Variants in TLL2 observed in about 807,000 individuals in gnomAD.
TLL2 encodes tolloid like 2, also known as tolloid-like protein 2.
A neutral mutation model predicts 123.0 loss-of-function variants in TLL2; 106 were observed. That is an observed-to-expected ratio of 0.86 (90% CI 0.74 to 1.01). The LOEUF (loss-of-function observed/expected upper bound fraction) is 1.01. Ranked by LOEUF, TLL2 falls within the 50% of genes least tolerant of loss-of-function variation. TLL2 has a pLI of 0.00. For missense variants in TLL2, 1,332 were observed against 1,336.7 expected, an observed-to-expected ratio of 1.00 and a Z score of 0.06; for synonymous variants, 494 against 516.8, an observed-to-expected ratio of 0.96 and a Z score of 0.60.
At chr10:96,459,684 AAAAAAAAAAAAAAAAAAAAAAAT>A (rs1269552662) in intron 2 of TLL2, among the ~76,000 whole-genome samples, 15 of 54,116 alleles carry the variant, frequency 2.8e-4, no homozygotes, top group African/African-American at 9.4e-4. Context: ...AAAAAAAAAA[AAAAAAAAAAAAAAAAAAAAAAAT>A]ATATATATAT....
Position 96,384,722 on chromosome 10 carries a change from C to A in TLL2, c.2059G>T (p.Asp687Tyr). Residue 687 changes from aspartate to tyrosine, a missense_variant, in exon 16 of 21, where the codon GAC becomes TAC. Transcript: ENST00000357947. Reference sequence around the variant, plus strand: ...CAGAACCTGCCGTGCAGCTTGGCGTCGGGGGACAGGCCGCTGCGCACCTCT... The same window carrying A: ...CAGAACCTGCCGTGCAGCTTGGCGTAGGGGGACAGGCCGCTGCGCACCTCT... Reference protein sequence around the residue: ...FVEVRSGLSPDAKLHGRFCGS... With the variant: ...FVEVRSGLSPYAKLHGRFCGS... 2 of 1,610,538 alleles carry A rather than the reference C, an allele frequency of 1.2e-6. No individual in the cohort carries two copies. Among genetic ancestry groups the A allele is most frequent in the Non-Finnish European group, 1.7e-6 (2 of 1,177,818 alleles).
rs181995265 is a variant in TLL2, at chr10:96,488,446, C to T, written c.176-7987G>A. Among the ~76,000 whole-genome samples, 9 of 152,318 alleles carry T rather than the reference C, an allele frequency of 5.9e-5. No individual in the cohort carries two copies. In the South Asian group the frequency reaches 8.3e-4, roughly 14 times the overall value. ...CAGAGAGCCCCTTCCCACGCCAGCCCGGGCTCCCACACTGCGGTCCTGCAG... is the reference window on the plus strand; with the variant it reads ...CAGAGAGCCCCTTCCCACGCCAGCCTGGGCTCCCACACTGCGGTCCTGCAG... On this transcript the variant is annotated intron_variant, in intron 1 of 20. Transcript: ENST00000357947.
At chr10:96,443,934 G>A (rs564567834) in intron 3 of TLL2, among the ~76,000 whole-genome samples, 7 of 152,276 alleles carry the variant, frequency 4.6e-5, no homozygotes, top group African/African-American at 1.7e-4. Flanking sequence ...TAGTTACATG[G>A]GTGACTAAAG....
intron 7 of TLL2, among the ~76,000 whole-genome samples, chr10:96,413,961 A>AC (rs1213646812): frequency 6.6e-6 from 1 of 152,132 alleles, no homozygotes; most frequent in Non-Finnish European, 1.5e-5. Flanking sequence ...GTCTCAGTTT[A>AC]CCCCACTAAA....
chr10:96,471,530 A>T (rs1309365349), intron 2 of TLL2, among the ~76,000 whole-genome samples: 1 of 152,222 alleles, frequency 6.6e-6, no homozygotes, highest in Non-Finnish European at 1.5e-5. Flanking sequence ...AGAAGACAAG[A>T]GAGCCAGCAA....
In TLL2 at chr10:96,420,918, C is replaced by G. The variant is rs746030610; in HGVS notation, c.923+38G>C. 12 of 1,588,624 alleles carry G rather than the reference C, an allele frequency of 7.6e-6. No homozygotes were observed. The South Asian group carries it at 1.3e-4, about 18-fold the overall frequency. On this transcript the variant is annotated intron_variant, in intron 7 of 20. Transcript: ENST00000357947. ...ATCCAACCCAAGCCTGCCGCAGGCA[C>G]AGTAAAACACAGACGAGGCATAAGC...
chr10:96,369,906 G>T (rs1846062130), intron 20 of TLL2, among the ~76,000 whole-genome samples, 159 bp downstream of exon 20: 3 of 152,114 alleles, frequency 2.0e-5, no homozygotes, highest in Non-Finnish European at 4.4e-5. Flanking sequence ...TCTCCTGACG[G>T]TTCTCCTGCT....
intron 7 of TLL2, among the ~76,000 whole-genome samples, chr10:96,416,626 A>G (rs1026017486): frequency 1.3e-5 from 2 of 152,246 alleles, no homozygotes; most frequent in Non-Finnish European, 2.9e-5. Flanking sequence ...ACATTAAATT[A>G]TAGAGCTAAG....
At chr10:96,456,470 C>T (rs1460873893) in intron 2 of TLL2, among the ~76,000 whole-genome samples, 3 of 152,132 alleles carry the variant, frequency 2.0e-5, no homozygotes, top group African/African-American at 7.2e-5. Context: ...AGAAGCTGTC[C>T]CTGGTAACCC....
intron 1 of TLL2, among the ~76,000 whole-genome samples, chr10:96,497,656 C>T (rs1196284777): frequency 6.6e-6 from 1 of 152,254 alleles, no homozygotes; most frequent in African/African-American, 2.4e-5. Context: ...GCTCCCTCCC[C>T]TGCCCCTCAC....
At chr10:96,425,760 T>G (rs1480305637) in intron 5 of TLL2, among the ~76,000 whole-genome samples, 1 of 152,068 alleles carries the variant, frequency 6.6e-6, no homozygotes, top group Non-Finnish European at 1.5e-5. Context: ...TTCTGGGGTT[T>G]CTAGGCACAC....
At chr10:96,463,158 A>C (rs1847096244) in intron 2 of TLL2, among the ~76,000 whole-genome samples, 1 of 152,164 alleles carries the variant, frequency 6.6e-6, no homozygotes, top group Non-Finnish European at 1.5e-5. Flanking sequence ...CAGAAGGGAG[A>C]GGTGTTCGAT....
intron 7 of TLL2, among the ~76,000 whole-genome samples, chr10:96,416,075 C>T (rs74380590): frequency 6.6e-6 from 1 of 152,136 alleles, no homozygotes; most frequent in African/African-American, 2.4e-5. Context: ...CTTGGCCTCC[C>T]TCACTGACTT....
intron 2 of TLL2, among the ~76,000 whole-genome samples, chr10:96,468,210 C>T (rs995009770): frequency 6.6e-6 from 1 of 152,224 alleles, no homozygotes; most frequent in Non-Finnish European, 1.5e-5. Context: ...CCCCAGCACG[C>T]CTTGTCAGCC....
chr10:96,477,081 C>T (rs908172895), intron 2 of TLL2, among the ~76,000 whole-genome samples: 1 of 92,054 alleles, frequency 1.1e-5, no homozygotes, highest in African/African-American at 4.1e-5. Flanking sequence ...GTTTAATCAA[C>T]AAAAACAATA....
At chr10:96,454,599 T>A (rs1846992927) in intron 2 of TLL2, among the ~76,000 whole-genome samples, 1 of 152,214 alleles carries the variant, frequency 6.6e-6, no homozygotes. Flanking sequence ...ACTCCAGGTA[T>A]CCTTGTCTAC....
At chr10:96,391,977 T>C (rs1846294329) in intron 13 of TLL2, among the ~76,000 whole-genome samples, 8 of 152,192 alleles carry the variant, frequency 5.3e-5, no homozygotes, top group Admixed American at 5.2e-4. Context: ...CGTCGCAGAC[T>C]GAGTCTCACA....
At chr10:96,486,920 C>T (rs1193900803) in intron 1 of TLL2, among the ~76,000 whole-genome samples, 1 of 152,208 alleles carries the variant, frequency 6.6e-6, no homozygotes, top group Non-Finnish European at 1.5e-5. Flanking sequence ...CTCCTCATGT[C>T]CAGTGCTCAG....
intron 1 of TLL2, among the ~76,000 whole-genome samples, chr10:96,493,896 G>T (rs1847442417): frequency 1.3e-5 from 2 of 152,216 alleles, no homozygotes; most frequent in Admixed American, 1.3e-4. Context: ...ATGGGGGAAA[G>T]TGAGACTTCA....
Sources: gnomAD v4.1 joint callset for allele counts (sites outside exome capture counted in the v4.1 genomes callset) on GRCh38, gnomAD v4.1.1 for gene constraint, MANE v1.5 for transcripts, NCBI Gene and HGNC (gene_info 2026-07-23, HGNC 2026-07-21) for gene names.